The following NKAIN3 variants were observed in gnomAD, a reference collection of about 807,000 sequenced individuals.
NKAIN3 encodes sodium/potassium transporting ATPase interacting 3.
NKAIN3 carries 25 observed loss-of-function variants against 30.2 expected under a neutral mutation model. The ratio of observed to expected loss-of-function variants is 0.83; its 90% CI spans 0.60 to 1.16. NKAIN3 has a LOEUF of 1.16. NKAIN3 is among the 50% of genes most tolerant of loss of function. The pLI is 0.00. For missense variants in NKAIN3, 225 were observed against 254.1 expected, an observed-to-expected ratio of 0.89 and a Z score of 0.78; for synonymous variants, 91 against 89.6, an observed-to-expected ratio of 1.02 and a Z score of -0.09.
chr8:62,857,560 A>G (rs1167511826), intron 4 of NKAIN3, among the ~76,000 whole-genome samples: 1 of 151,960 alleles, frequency 6.6e-6, no homozygotes, highest in Non-Finnish European at 1.5e-5. Context: ...ATTCTTTTTT[A>G]TCTATTCTTT....
intron 1 of NKAIN3, among the ~76,000 whole-genome samples, chr8:62,355,446 G>A (rs917403986): frequency 1.3e-5 from 2 of 152,172 alleles, no homozygotes; most frequent in Non-Finnish European, 2.9e-5. Flanking sequence ...GCCTGGCATT[G>A]CTTAGGCTGA....
chr8:62,587,084 G>A (rs1810498214), intron 2 of NKAIN3, among the ~76,000 whole-genome samples: 1 of 151,914 alleles, frequency 6.6e-6, no homozygotes, highest in Non-Finnish European at 1.5e-5. Context: ...AGAAGATAGG[G>A]AAGGTAGGCA....
chr8:62,271,185 G>A (rs16928625), intron 1 of NKAIN3, among the ~76,000 whole-genome samples: 8,162 of 152,254 alleles, frequency 0.054, 257 homozygotes, highest in Admixed American at 0.087. Flanking sequence ...AGATTGGAAT[G>A]CAGCATGGAT....
intron 4 of NKAIN3, chr8:62,856,065 C>T: frequency 1.4e-6 from 1 of 700,516 alleles, no homozygotes; most frequent in Non-Finnish European, 2.6e-6. Context: ...GGGCTTACAC[C>T]CCATGAGCAT....
rs543786205 is a variant in NKAIN3, at chr8:62,943,010, G to A, written c.533-10892G>A. Among the ~76,000 whole-genome samples the A allele has an allele frequency of 3.9e-5, 6 of 152,178 alleles. No individual in the cohort carries two copies. In the East Asian group the frequency reaches 1.2e-3, roughly 29 times the overall value. On this transcript the variant is annotated intron_variant, in intron 5 of 6. Transcript: ENST00000623646. ...CATTACCAAGAACCTAAAAGCAAGT[G>A]CAACAAAAACTATGATAAATAGATA... is the stretch of plus-strand genomic sequence containing the variant.
intron 3 of NKAIN3, among the ~76,000 whole-genome samples, chr8:62,658,640 T>G (rs2130353005): frequency 6.6e-6 from 1 of 152,330 alleles, no homozygotes; most frequent in African/African-American, 2.4e-5. Flanking sequence ...GATTTATCAT[T>G]GATGAAACAT....
chr8:62,578,780 C>T (rs905958673), intron 1 of NKAIN3, among the ~76,000 whole-genome samples: 1 of 151,682 alleles, frequency 6.6e-6, no homozygotes, highest in African/African-American at 2.4e-5. Flanking sequence ...TGAAATAAGC[C>T]AATCACAGAA....
At chr8:62,529,459 C>A (rs1051623846) in intron 1 of NKAIN3, among the ~76,000 whole-genome samples, 1 of 152,108 alleles carries the variant, frequency 6.6e-6, no homozygotes, top group Non-Finnish European at 1.5e-5. Context: ...GCTAAGGGAG[C>A]AGGCCTTTGG....
At chr8:62,796,836 T>G (rs925822611) in intron 4 of NKAIN3, among the ~76,000 whole-genome samples, 1 of 96,372 alleles carries the variant, frequency 1.0e-5, no homozygotes, top group African/African-American at 2.9e-5. Context: ...GAACACACAT[T>G]GAGCTTAACA....
intron 4 of NKAIN3, among the ~76,000 whole-genome samples, chr8:62,764,473 T>C (rs1816771364): frequency 1.0e-5 from 1 of 98,368 alleles, no homozygotes; most frequent in African/African-American, 2.9e-5. Flanking sequence ...TACAAATAAG[T>C]ATTTTTTTTT....
At chr8:62,538,641 TCTA>T (rs1157167669) in intron 1 of NKAIN3, among the ~76,000 whole-genome samples, 1 of 152,238 alleles carries the variant, frequency 6.6e-6, no homozygotes, top group African/African-American at 2.4e-5. Context: ...CAGAGGATTT[TCTA>T]CTAGTAACAA....
intron 1 of NKAIN3, among the ~76,000 whole-genome samples, chr8:62,576,572 C>A (rs1810115768): frequency 6.6e-6 from 1 of 152,042 alleles, no homozygotes; most frequent in Non-Finnish European, 1.5e-5. Flanking sequence ...TTTCTAGGTG[C>A]CATATTCAGT....
chr8:62,517,843 G>C (rs1166269770), intron 1 of NKAIN3, among the ~76,000 whole-genome samples: 2 of 152,056 alleles, frequency 1.3e-5, no homozygotes, highest in African/African-American at 4.8e-5. Context: ...CTCAATGTTT[G>C]CTTTTTAGAA....
intron 3 of NKAIN3, among the ~76,000 whole-genome samples, chr8:62,667,156 G>T: frequency 9.2e-6 from 1 of 109,274 alleles, no homozygotes; most frequent in Admixed American, 1.1e-4. Context: ...TGTGGGGTGG[G>T]GGGAGGGGAG....
intron 3 of NKAIN3, among the ~76,000 whole-genome samples, chr8:62,628,200 ACATCACGTAAGG>A (rs1393791556): frequency 1.3e-5 from 2 of 152,144 alleles, no homozygotes; most frequent in Non-Finnish European, 2.9e-5. Flanking sequence ...GCTTTGGGAA[ACATCACGTAAGG>A]CATGGGCCTG....
At chr8:62,914,082 C>T (rs1202222585) in intron 4 of NKAIN3, among the ~76,000 whole-genome samples, 3 of 152,090 alleles carry the variant, frequency 2.0e-5, no homozygotes, top group Non-Finnish European at 2.9e-5. Flanking sequence ...AGTAAAAACA[C>T]GGAATCAACC....
chr8:62,452,916 CT>C (rs576162984), intron 1 of NKAIN3, among the ~76,000 whole-genome samples: 69 of 152,202 alleles, frequency 4.5e-4, no homozygotes, highest in African/African-American at 1.6e-3. Flanking sequence ...AAGAGGGTGT[CT>C]TTTGTAAGTG....
chr8:62,297,613 C>G (rs1813879060), intron 1 of NKAIN3, among the ~76,000 whole-genome samples: 1 of 151,906 alleles, frequency 6.6e-6, no homozygotes, highest in South Asian at 2.1e-4. Flanking sequence ...CAAATCAAAA[C>G]CACAATGAGA....
chr8:62,548,681 A>AT (rs1357941690), intron 1 of NKAIN3, among the ~76,000 whole-genome samples: 1 of 125,970 alleles, frequency 7.9e-6, no homozygotes, highest in African/African-American at 3.4e-5. Flanking sequence ...GAAATTTTAT[A>AT]TTTTGTTAAG....
Sources: gnomAD v4.1 joint callset for allele counts (sites outside exome capture counted in the v4.1 genomes callset) on GRCh38, gnomAD v4.1.1 for gene constraint, MANE v1.5 for transcripts, NCBI Gene and HGNC (gene_info 2026-07-23, HGNC 2026-07-21) for gene names.